UGT1A6: variants seen among roughly 807,000 people sequenced by gnomAD.
UGT1A6 encodes UDP glucuronosyltransferase family 1 member A6, also known as UDP-glucuronosyltransferase 1A6.
UGT1A6 carries 32 observed loss-of-function variants against 44.4 expected under a neutral mutation model. The observed-to-expected ratio is 0.72, with a 90% CI of 0.54 to 0.97. The LOEUF is 0.97. UGT1A6 is among the 50% of genes least tolerant of loss of function. The pLI is 0.00. For missense variants in UGT1A6, 685 were observed against 661.9 expected (o/e 1.03, Z -0.38); for synonymous variants, 238 against 248.5 (o/e 0.96, Z 0.40).
chr2:233,751,722 ACTCTTC>A (rs1694794722), intron 1 of UGT1A6, among the ~76,000 whole-genome samples: 1 of 150,748 alleles, frequency 6.6e-6, no homozygotes, highest in African/African-American at 2.4e-5. Context: ...TCACAAGTGA[ACTCTTC>A]CTCTCTGTTT....
chr2:233,730,252 T>A (rs1444242669), intron 1 of UGT1A6, among the ~76,000 whole-genome samples: 1 of 152,134 alleles, frequency 6.6e-6, no homozygotes, highest in Non-Finnish European at 1.5e-5. Context: ...GTGTGACTCA[T>A]AGAGACTGTT....
chr2:233,764,256 T>A (rs367961142), intron 1 of UGT1A6, among the ~76,000 whole-genome samples: 39 of 152,260 alleles, frequency 2.6e-4, no homozygotes, highest in African/African-American at 9.4e-4. Context: ...TCAGTTAATA[T>A]GTTGCTTCAC....
intron 1 of UGT1A6, 114 bp from the exon 2 acceptor site, chr2:233,766,920 A>C (rs1699278586): frequency 8.4e-6 from 13 of 1,554,452 alleles, no homozygotes. Context: ...TATCTCAAAC[A>C]CGCATGCCTT....
At chr2:233,762,603 G>T (rs890320273) in intron 1 of UGT1A6, among the ~76,000 whole-genome samples, 2 of 152,136 alleles carry the variant, frequency 1.3e-5, no homozygotes, top group Admixed American at 1.3e-4. Context: ...TGTATTCCAG[G>T]AGTTTTGTTG....
At chr2:233,730,291 G>A (rs962328046) in intron 1 of UGT1A6, among the ~76,000 whole-genome samples, 1 of 152,200 alleles carries the variant, frequency 6.6e-6, no homozygotes, top group Non-Finnish European at 1.5e-5. Flanking sequence ...CTTCATGGTT[G>A]TGCATGTCCT....
At chr2:233,752,366 A>C (rs1575711623) in intron 1 of UGT1A6, 1 of 152,202 alleles carries the variant, frequency 6.6e-6, no homozygotes, top group Non-Finnish European at 1.5e-5. Context: ...TAGGGGTCTC[A>C]AGAGGGTCAT....
intron 1 of UGT1A6, among the ~76,000 whole-genome samples, chr2:233,711,537 T>C (rs545731448): frequency 6.6e-6 from 1 of 152,282 alleles, no homozygotes; most frequent in African/African-American, 2.4e-5. Flanking sequence ...TCCCCGGGAA[T>C]CATCCTCCCC....
chr2:233,719,433 A>G, intron 1 of UGT1A6: 1 of 1,613,974 alleles, frequency 6.2e-7, no homozygotes, highest in Non-Finnish European at 8.5e-7. Flanking sequence ...TTCAGACCAC[A>G]TGACATTCCT....
chr2:233,702,084 A>T (rs2075668919), intron 1 of UGT1A6, among the ~76,000 whole-genome samples: 1 of 152,172 alleles, frequency 6.6e-6, no homozygotes, highest in African/African-American at 2.4e-5. Context: ...GTATAGTCAC[A>T]GATTTGTACA....
intron 1 of UGT1A6, chr2:233,760,883 C>T (rs550460320): frequency 1.9e-6 from 3 of 1,614,168 alleles, no homozygotes; most frequent in South Asian, 2.2e-5. Context: ...CCTCTCTCCT[C>T]TCATTCAGAT....
At chr2:233,747,177 T>A in intron 1 of UGT1A6, 1 of 1,600,690 alleles carries the variant, frequency 6.2e-7, no homozygotes, top group Non-Finnish European at 8.5e-7. Context: ...AGGCACAGCG[T>A]GGGGTGGACA....
chr2:233,766,183 A>T (rs1370975589), intron 1 of UGT1A6, among the ~76,000 whole-genome samples: 1 of 152,070 alleles, frequency 6.6e-6, no homozygotes, highest in African/African-American at 2.4e-5. Flanking sequence ...TATTGAGTGG[A>T]TGTAGCTCTC....
chr2:233,713,326 G>C (rs17864695), intron 1 of UGT1A6: 6 of 1,614,218 alleles, frequency 3.7e-6, no homozygotes, highest in Non-Finnish European at 5.1e-6. Context: ...AAATTTTCTA[G>C]AAGAATGGCA....
chr2:233,732,205 G>T, intron 1 of UGT1A6, among the ~76,000 whole-genome samples: 1 of 152,068 alleles, frequency 6.6e-6, no homozygotes, highest in South Asian at 2.1e-4. Context: ...TTGTCAGATG[G>T]GTAGATTGCA....
chr2:233,743,398 G>A, intron 1 of UGT1A6: 3 of 1,279,318 alleles, frequency 2.3e-6, no homozygotes. Context: ...GCAGAAGGAA[G>A]AAAGGCCCCC....
At chr2:233,761,622 G>A (rs1417511901) in intron 1 of UGT1A6, among the ~76,000 whole-genome samples, 3 of 152,238 alleles carry the variant, frequency 2.0e-5, no homozygotes, top group Non-Finnish European at 4.4e-5. Flanking sequence ...CTGATAAGAA[G>A]CTAAATCCTG....
chr2:233,749,426 C>T (rs1034149432), intron 1 of UGT1A6, among the ~76,000 whole-genome samples: 2 of 151,878 alleles, frequency 1.3e-5, no homozygotes, highest in African/African-American at 4.9e-5. Flanking sequence ...TTGCTCAAAA[C>T]TTCACTGTCA....
chr2:233,707,035 T>A (rs1409534303), intron 1 of UGT1A6, among the ~76,000 whole-genome samples: 1 of 152,090 alleles, frequency 6.6e-6, no homozygotes, highest in African/African-American at 2.4e-5. Context: ...GCCCCCAAGG[T>A]AGAGGAAGCT....
chr2:233,772,145 G>A, intron 4 of UGT1A6, 117 bp from the exon 5 acceptor site: 1 of 1,552,040 alleles, frequency 6.4e-7, no homozygotes, highest in Non-Finnish European at 8.7e-7. Flanking sequence ...AATAGAAACA[G>A]GTTTCCTTTC....
Sources: allele counts gnomAD v4.1 joint callset (sites outside exome capture counted in the v4.1 genomes callset), GRCh38; gene constraint gnomAD v4.1.1; transcripts MANE v1.5; gene names NCBI Gene and HGNC (gene_info 2026-07-23, HGNC 2026-07-21).